The following HNRNPM variants were observed in gnomAD, a reference collection of about 807,000 sequenced individuals.
HNRNPM encodes the protein heterogeneous nuclear ribonucleoprotein M.
HNRNPM carries 11 observed loss-of-function variants against 73.1 expected under a neutral mutation model. The ratio of observed to expected loss-of-function variants is 0.15; its 90% CI spans 0.09 to 0.25. The LOEUF (loss-of-function observed/expected upper bound fraction) is 0.25. HNRNPM is among the 10% of genes least tolerant of loss of function. The probability of loss-of-function intolerance (pLI) is 1.00; values close to 1 mark genes in which losing one functional copy is unlikely to be tolerated. For missense variants in HNRNPM, 789 were observed against 1,067.9 expected, an observed-to-expected ratio of 0.74 and a Z score of 3.64; for synonymous variants, 407 against 355.2, an observed-to-expected ratio of 1.15 and a Z score of -1.64.
intron 2 of HNRNPM, among the ~76,000 whole-genome samples, chr19:8,461,216 A>C (rs777461943): frequency 2.0e-5 from 3 of 152,240 alleles, no homozygotes; most frequent in Non-Finnish European, 4.4e-5. Flanking sequence ...TCTTGCCTTC[A>C]ACCAATGTGC....
chr19:8,459,407 T>C (rs754787981), intron 2 of HNRNPM, among the ~76,000 whole-genome samples: 1 of 152,150 alleles, frequency 6.6e-6, no homozygotes, highest in African/African-American at 2.4e-5. Flanking sequence ...ATAAGCCAAG[T>C]AGGTGTGTAG....
At chr19:8,472,658 A>C (rs982456240) in intron 10 of HNRNPM, among the ~76,000 whole-genome samples, 3 of 152,094 alleles carry the variant, frequency 2.0e-5, no homozygotes, top group African/African-American at 7.2e-5. Context: ...AGCTTACCGC[A>C]CTCAATCTCT....
chr19:8,458,580 G>A (rs1202473759), intron 2 of HNRNPM, among the ~76,000 whole-genome samples: 2 of 152,246 alleles, frequency 1.3e-5, no homozygotes, highest in African/African-American at 4.8e-5. Flanking sequence ...AGCTGCACCT[G>A]CAGTGAGTAA....
intron 1 of HNRNPM, among the ~76,000 whole-genome samples, chr19:8,447,830 T>G (rs1381735508): frequency 6.6e-6 from 1 of 152,036 alleles, no homozygotes; most frequent in Admixed American, 6.6e-5. Context: ...ATAGAGACCA[T>G]CCTGGCTAAC....
chr19:8,459,753 C>G (rs1345848412), intron 2 of HNRNPM, among the ~76,000 whole-genome samples: 1 of 152,096 alleles, frequency 6.6e-6, no homozygotes, highest in Non-Finnish European at 1.5e-5. Context: ...TCCCAGGGAC[C>G]GCCTGAGTTC....
chr19:8,457,607 A>G (rs1969110028), intron 2 of HNRNPM, among the ~76,000 whole-genome samples: 1 of 152,180 alleles, frequency 6.6e-6, no homozygotes, highest in South Asian at 2.1e-4. Flanking sequence ...TTGTGGGTAA[A>G]GTGACTCAGA....
In HNRNPM at chr19:8,473,659, T is replaced by C. The variant is rs2145706572; in HGVS notation, c.998-5T>C. The C allele has an allele frequency of 6.4e-7, 1 of 1,558,550 alleles. No homozygotes were observed. The highest frequency in any genetic ancestry group is 2.2e-5 in the East Asian group (1 of 44,546). On this transcript the variant is annotated splice_polypyrimidine_tract_variant and splice_region_variant and intron_variant, in intron 10 of 15. Transcript: ENST00000325495. ...TTTAGTTTGCATTGACTTTTTCTTTTTAAGGAATGGGAATGGAAGGCATAG... is the reference window on the plus strand; with the variant it reads ...TTTAGTTTGCATTGACTTTTTCTTTCTAAGGAATGGGAATGGAAGGCATAG...
At chr19:8,479,771 AATTTT>A (rs1175044315) in intron 12 of HNRNPM, among the ~76,000 whole-genome samples, 15 of 75,730 alleles carry the variant, frequency 2.0e-4, no homozygotes, top group African/African-American at 6.0e-4. Flanking sequence ...AAAAAAAAAA[AATTTT>A]TTTTTTTTTT....
Position 8,462,630 on chromosome 19 carries a change from T to A in HNRNPM, c.336+49T>A. 1 of 1,413,726 alleles carries A rather than the reference T, an allele frequency of 7.1e-7. No homozygotes were observed. The highest frequency in any genetic ancestry group is 1.0e-6 in the Non-Finnish European group (1 of 997,110). The allele number at this position is 1,413,726 out of a possible 1,614,324, so 87.6% of individuals were successfully genotyped here. On this transcript the variant is annotated intron_variant, in intron 3 of 15. Transcript: ENST00000325495. This position sits in a 1 kb window ranked among gnomAD's most constrained non-coding sequence, Gnocchi z 4.5. ...CTGTGGATTTACTACATGAAAAATG[T>A]AACTGTATGGTGGCGTGGAATCGAA...
chr19:8,467,126 C>T (rs1386704766), intron 7 of HNRNPM, among the ~76,000 whole-genome samples: 1 of 152,108 alleles, frequency 6.6e-6, no homozygotes, highest in African/African-American at 2.4e-5. Context: ...TTTTTAATCC[C>T]TTGGAGAGTA....
chr19:8,479,418 T>C (rs1217300894), intron 12 of HNRNPM, among the ~76,000 whole-genome samples: 1 of 152,132 alleles, frequency 6.6e-6, no homozygotes, highest in Admixed American at 6.5e-5. Flanking sequence ...TCTTCAAATT[T>C]ATGAAGGCCC....
Position 8,470,134 on chromosome 19 carries a change from T to C in HNRNPM, c.896-1192T>C, listed in dbSNP as rs117108300. ...CCAGGGAGCCTGTTATCCATGGCTC[T>C]TGGTCTCCCGGCCATTTCGGAGGCT... On this transcript the variant is annotated intron_variant, in intron 9 of 15. Coordinates refer to ENST00000325495, the MANE Select transcript of HNRNPM (RefSeq NM_005968.5). 4.9e-3 allele frequency among the ~76,000 whole-genome samples: 754 copies of C among 152,346 alleles called. 5 individuals are homozygous for C. Among genetic ancestry groups the C allele is most frequent in the Middle Eastern group, 0.014 (4 of 294 alleles).
At position 8,468,850 on chromosome 19, in the gene HNRNPM, AT is replaced by A; in HGVS notation, c.895+18del. 1 of 1,599,726 alleles carries A rather than the reference AT, an allele frequency of 6.3e-7. No individual in the cohort carries two copies. The highest frequency in any genetic ancestry group is 8.6e-7 in the Non-Finnish European group (1 of 1,166,986). ...CAACTTCCCCGTAAGTGTTTCAGTG[AT>A]TAGGGCTGAGAGTTTGAATTGGAGT... On this transcript the variant is annotated intron_variant, in intron 9 of 15. Coordinates refer to ENST00000325495, the MANE Select transcript of HNRNPM (RefSeq NM_005968.5).
Position 8,444,987 on chromosome 19 carries a change from G to A in HNRNPM, c.-12G>A, listed in dbSNP as rs1012902833. ...AGCCCGTTCGCTCACACAAAGCCCAGACGCGGAGAAAATGGCGGCAGGGGT... is the reference window on the plus strand; with the variant it reads ...AGCCCGTTCGCTCACACAAAGCCCAAACGCGGAGAAAATGGCGGCAGGGGT... On this transcript the variant is annotated 5_prime_UTR_variant, in exon 1 of 16. Transcript: ENST00000325495. The A allele has an allele frequency of 3.2e-5, 45 of 1,403,878 alleles. No individual in the cohort carries two copies. The highest frequency in any genetic ancestry group is 2.0e-4 in the Middle Eastern group (1 of 4,918). The allele number at this position is 1,403,878 out of a possible 1,614,324, so 87.0% of individuals were successfully genotyped here. A position where few individuals can be genotyped will look rare whatever the true frequency, so the allele number is the denominator to read the frequency against.
chr19:8,459,093 T>A (rs1184679863), intron 2 of HNRNPM, among the ~76,000 whole-genome samples: 1 of 152,072 alleles, frequency 6.6e-6, no homozygotes, highest in East Asian at 1.9e-4. Flanking sequence ...GCCGAGTTAA[T>A]TTTTGTATTT....
intron 2 of HNRNPM, among the ~76,000 whole-genome samples, chr19:8,456,744 A>G (rs908539614): frequency 9.2e-5 from 14 of 152,056 alleles, no homozygotes. Flanking sequence ...GGCACTGTGA[A>G]CCTCTCCGTA....
intron 1 of HNRNPM, 139 bp downstream of exon 1, chr19:8,445,250 T>A: frequency 1.3e-6 from 1 of 745,756 alleles, no homozygotes; most frequent in Non-Finnish European, 1.9e-6. Flanking sequence ...CTGCTCAGGG[T>A]AGCGGCGTCT....
At chr19:8,476,109 G>A (rs1970487783) in intron 12 of HNRNPM, among the ~76,000 whole-genome samples, 1 of 152,032 alleles carries the variant, frequency 6.6e-6, no homozygotes, top group South Asian at 2.1e-4. Context: ...TGGGGTACGC[G>A]GTGGCAAAGG....
At chr19:8,464,019 T>G (rs998269056) in intron 5 of HNRNPM, among the ~76,000 whole-genome samples, 1 of 152,190 alleles carries the variant, frequency 6.6e-6, no homozygotes, top group Non-Finnish European at 1.5e-5. Context: ...GGCCCATCTT[T>G]TTTCTTTTTT....
Sources: allele counts gnomAD v4.1 joint callset (sites outside exome capture counted in the v4.1 genomes callset), GRCh38; gene constraint gnomAD v4.1.1; non-coding constraint Gnocchi (gnomAD v3.1); transcripts MANE v1.5; gene names NCBI Gene and HGNC (gene_info 2026-07-23, HGNC 2026-07-21).